Variants in KCNH1 observed in about 807,000 individuals in gnomAD.
KCNH1 encodes voltage-gated delayed rectifier potassium channel KCNH1.
A neutral mutation model predicts 69.2 loss-of-function variants in KCNH1; 27 were observed. That is an observed-to-expected ratio of 0.39 (90% CI 0.29 to 0.54). The LOEUF (loss-of-function observed/expected upper bound fraction) is 0.54, where lower values mean the gene tolerates loss of function less well. KCNH1 is among the 20% of genes least tolerant of loss of function. KCNH1 has a pLI of 0.68. For synonymous variants in KCNH1, 456 were observed against 487.7 expected (o/e 0.93, Z 0.86); for missense variants, 798 against 1,261.6 (o/e 0.63, Z 5.57).
intron 1 of KCNH1, among the ~76,000 whole-genome samples, chr1:211,130,928 T>A (rs1691863589): frequency 6.6e-6 from 1 of 152,234 alleles, no homozygotes; most frequent in Non-Finnish European, 1.5e-5. Flanking sequence ...GATGTGGTAG[T>A]GTGGCTGTTA....
At chr1:210,721,266 A>C (rs566266431) in intron 10 of KCNH1, among the ~76,000 whole-genome samples, 86 of 152,104 alleles carry the variant, frequency 5.7e-4, no homozygotes, top group Non-Finnish European at 1.1e-3. Context: ...GTTAACCTGC[A>C]TAACCCAGGC....
At position 211,130,568 on chromosome 1, in the gene KCNH1, C is replaced by A. The variant is rs1691858463; in HGVS notation, c.79+3299G>T. Among the ~76,000 whole-genome samples the A allele has an allele frequency of 2.6e-5, 4 of 152,140 alleles. No individual in the cohort carries two copies. The South Asian group carries it at 8.3e-4, about 32-fold the overall frequency. ...AATAAATCTTTGTTGAATGAATAAA[C>A]CAAAAACAACTGCTGGCTAGTCCCT... On this transcript the variant is annotated intron_variant, in intron 1 of 10. Coordinates refer to ENST00000271751, the MANE Select transcript of KCNH1 (RefSeq NM_172362.3).
chr1:211,083,982 C>A (rs1439862243), intron 4 of KCNH1, among the ~76,000 whole-genome samples: 2 of 152,060 alleles, frequency 1.3e-5, no homozygotes, highest in Non-Finnish European at 2.9e-5. Flanking sequence ...ATAAGAATAG[C>A]AAATCAGCTC....
chr1:211,025,954 T>C (rs185104799), intron 5 of KCNH1, among the ~76,000 whole-genome samples: 18 of 152,318 alleles, frequency 1.2e-4, no homozygotes, highest in African/African-American at 3.4e-4. Flanking sequence ...ACCAATAGTC[T>C]GGGCTTCTAG....
At chr1:211,066,882 A>G (rs918112583) in intron 5 of KCNH1, among the ~76,000 whole-genome samples, 6 of 152,192 alleles carry the variant, frequency 3.9e-5, no homozygotes, top group South Asian at 2.1e-4. Context: ...TTATAATGAG[A>G]TGGTATCATG....
intron 6 of KCNH1, among the ~76,000 whole-genome samples, chr1:210,944,545 G>A (rs954044234): frequency 1.3e-5 from 2 of 152,180 alleles, no homozygotes; most frequent in African/African-American, 4.8e-5. Flanking sequence ...TGGATCAGGA[G>A]GGGACCCCAG....
At chr1:210,894,653 G>A (rs943825193) in intron 7 of KCNH1, among the ~76,000 whole-genome samples, 2 of 152,110 alleles carry the variant, frequency 1.3e-5, no homozygotes, top group African/African-American at 4.8e-5. Context: ...ATGGATTGAT[G>A]CCAGTATCTT....
At chr1:211,074,853 T>G (rs1157768917) in intron 5 of KCNH1, among the ~76,000 whole-genome samples, 1 of 152,200 alleles carries the variant, frequency 6.6e-6, no homozygotes, top group East Asian at 1.9e-4. Flanking sequence ...TCCCAAGGGT[T>G]TCCATCTGTC....
At chr1:210,928,832 CAAACG>C (rs1349912767) in intron 6 of KCNH1, among the ~76,000 whole-genome samples, 1 of 152,048 alleles carries the variant, frequency 6.6e-6, no homozygotes, top group East Asian at 1.9e-4. Flanking sequence ...AACTCAATTA[CAAACG>C]AAACGAGAGA....
chr1:211,007,958 A>C (rs1166914184), intron 6 of KCNH1, among the ~76,000 whole-genome samples: 1 of 152,192 alleles, frequency 6.6e-6, no homozygotes, highest in Non-Finnish European at 1.5e-5. Flanking sequence ...GTGGGAATGT[A>C]AAATGGTAAA....
rs1691747262 is a variant in KCNH1 at position 211,124,652 on chromosome 1, T to TA, written c.79+9214dup. On this transcript the variant is annotated intron_variant, in intron 1 of 10. Transcript: ENST00000271751. ...AAAGAGAGAGAGAGAGAGACCACTT[T>TA]ATCCAAAGAACAAGTAATTGGCTCT... is the stretch of plus-strand genomic sequence containing the variant. Among the ~76,000 whole-genome samples, 4 of 152,248 alleles carry TA rather than the reference T, an allele frequency of 2.6e-5. No individual in the cohort carries two copies. In the South Asian group the frequency reaches 8.3e-4, roughly 32 times the overall value.
At chr1:210,949,962 C>T (rs1169051898) in intron 6 of KCNH1, among the ~76,000 whole-genome samples, 1 of 152,186 alleles carries the variant, frequency 6.6e-6, no homozygotes, top group Non-Finnish European at 1.5e-5. Context: ...GTGAAACCTG[C>T]TTTAATCAAA....
intron 9 of KCNH1, among the ~76,000 whole-genome samples, chr1:210,777,905 G>C (rs571040423): frequency 1.3e-5 from 2 of 152,316 alleles, no homozygotes; most frequent in South Asian, 4.1e-4. Flanking sequence ...CGATGTTCTG[G>C]GATTTTGAGT....
At chr1:210,993,123 C>T (rs1313540307) in intron 6 of KCNH1, among the ~76,000 whole-genome samples, 2 of 152,206 alleles carry the variant, frequency 1.3e-5, no homozygotes, top group East Asian at 1.9e-4. Flanking sequence ...CAGCCCCCCA[C>T]TGCTACTCTC....
chr1:210,754,841 C>G (rs200416879), intron 10 of KCNH1, among the ~76,000 whole-genome samples: 1 of 151,030 alleles, frequency 6.6e-6, no homozygotes, highest in Middle Eastern at 3.2e-3. Context: ...CAAGTACACA[C>G]GGGCACACAC....
At chr1:210,764,001 T>C (rs1254333473) in intron 10 of KCNH1, among the ~76,000 whole-genome samples, 1 of 152,124 alleles carries the variant, frequency 6.6e-6, no homozygotes, top group African/African-American at 2.4e-5. Context: ...AAAAACAGCA[T>C]GGTACTGGTA....
At chr1:211,119,219 G>A (rs1322591036) in intron 1 of KCNH1, among the ~76,000 whole-genome samples, 1 of 152,110 alleles carries the variant, frequency 6.6e-6, no homozygotes, top group East Asian at 1.9e-4. Context: ...AATTAGCCGG[G>A]CATGGTGGCG....
chr1:211,114,416 G>GGGAAT (rs1472778361), intron 1 of KCNH1, among the ~76,000 whole-genome samples: 1 of 152,162 alleles, frequency 6.6e-6, no homozygotes, highest in African/African-American at 2.4e-5. Flanking sequence ...TAAGATGGGA[G>GGGAAT]GGAATGGCAA....
At chr1:210,785,712 A>C (rs1236578037) in intron 9 of KCNH1, among the ~76,000 whole-genome samples, 8 of 152,106 alleles carry the variant, frequency 5.3e-5, no homozygotes, top group Non-Finnish European at 1.2e-4. Context: ...AGGTGGTTTC[A>C]GCTGCATCAT....
Sources: allele counts gnomAD v4.1 joint callset (sites outside exome capture counted in the v4.1 genomes callset), GRCh38; gene constraint gnomAD v4.1.1; transcripts MANE v1.5; gene names NCBI Gene and HGNC (gene_info 2026-07-23, HGNC 2026-07-21).